Variants in REDIC1 observed in about 807,000 individuals in gnomAD.
REDIC1 encodes HEI10 Interacting Protein 1.
chr12:39,634,379 A>T, the REDIC1 span, among the ~76,000 whole-genome samples: 1 of 152,164 alleles, frequency 6.6e-6, no homozygotes, highest in Non-Finnish European at 1.5e-5. Context: ...GCCTGACCTC[A>T]AACTATACTA....
the REDIC1 span, among the ~76,000 whole-genome samples, chr12:39,833,263 A>T: frequency 6.6e-6 from 1 of 152,104 alleles, no homozygotes; most frequent in African/African-American, 2.4e-5. Flanking sequence ...AAAGCTGAAA[A>T]TATTTCCTAT....
At chr12:39,848,594 C>A in the REDIC1 span, among the ~76,000 whole-genome samples, 1 of 152,078 alleles carries the variant, frequency 6.6e-6, no homozygotes, top group Admixed American at 6.6e-5. Context: ...ACTAATTCAC[C>A]CATTGTGGAA....
chr12:39,770,430 A>G, the REDIC1 span, among the ~76,000 whole-genome samples: 1 of 152,146 alleles, frequency 6.6e-6, no homozygotes, highest in Admixed American at 6.5e-5. Flanking sequence ...TAATAGCCAT[A>G]TTCATTCAAA....
At chr12:39,816,863 A>C in the REDIC1 span, among the ~76,000 whole-genome samples, 1 of 152,184 alleles carries the variant, frequency 6.6e-6, no homozygotes, top group African/African-American at 2.4e-5. Flanking sequence ...GAAAGATTTT[A>C]AGAATTTGAA....
chr12:39,790,123 TGTTC>T, the REDIC1 span, among the ~76,000 whole-genome samples: 2 of 30,510 alleles, frequency 6.6e-5, no homozygotes, highest in Non-Finnish European at 1.6e-4. Context: ...CATTCTTTTG[TGTTC>T]TTTTTTTTTT....
chr12:39,896,373 CAT>C, the REDIC1 span, among the ~76,000 whole-genome samples: 441 of 105,934 alleles, frequency 4.2e-3, 2 homozygotes, highest in African/African-American at 0.016. Flanking sequence ...TATATGTATA[CAT>C]ATATGTATGT....
chr12:39,684,026 A>G, the REDIC1 span: 5 of 498,212 alleles, frequency 1.0e-5, no homozygotes, highest in African/African-American at 1.1e-4. Flanking sequence ...CCTCTCAGAG[A>G]CTCCATGTTT....
At chr12:39,824,392 A>C in the REDIC1 span, among the ~76,000 whole-genome samples, 4 of 152,182 alleles carry the variant, frequency 2.6e-5, no homozygotes, top group Admixed American at 6.5e-5. Flanking sequence ...GGCATGAGCC[A>C]GATTCAATCA....
At chr12:39,750,964 A>G in the REDIC1 span, among the ~76,000 whole-genome samples, 1 of 152,194 alleles carries the variant, frequency 6.6e-6, no homozygotes, top group South Asian at 2.1e-4. Context: ...AAACCCTAGA[A>G]GAAAACCTAG....
chr12:39,775,059 T>A, the REDIC1 span, among the ~76,000 whole-genome samples: 1 of 152,218 alleles, frequency 6.6e-6, no homozygotes, highest in Admixed American at 6.5e-5. Flanking sequence ...AAGTGTATCC[T>A]TAGGAAACCA....
the REDIC1 span, among the ~76,000 whole-genome samples, chr12:39,711,825 ATG>A: frequency 4.8e-5 from 2 of 41,456 alleles, no homozygotes; most frequent in Non-Finnish European, 1.5e-4. Flanking sequence ...GTACACATGC[ATG>A]TGTATATGTG....
the REDIC1 span, chr12:39,757,259 G>T: frequency 6.6e-6 from 1 of 151,784 alleles, no homozygotes; most frequent in Non-Finnish European, 1.5e-5. Flanking sequence ...TTCAAAGGAA[G>T]TCTGTAATTT....
At chr12:39,819,259 T>C in the REDIC1 span, among the ~76,000 whole-genome samples, 312 of 152,282 alleles carry the variant, frequency 2.0e-3, 3 homozygotes, top group South Asian at 0.026. Flanking sequence ...CAAAATAAAT[T>C]CATGGTTTAC....
the REDIC1 span, among the ~76,000 whole-genome samples, chr12:39,877,685 CAT>C: frequency 6.6e-6 from 1 of 152,176 alleles, no homozygotes; most frequent in African/African-American, 2.4e-5. Flanking sequence ...CATTTAAAAA[CAT>C]GTGAATTCCA....
chr12:39,782,346 G>C, the REDIC1 span, among the ~76,000 whole-genome samples: 3 of 152,090 alleles, frequency 2.0e-5, no homozygotes, highest in South Asian at 2.1e-4. Context: ...CATGGGGGCG[G>C]CCGGTCTTTT....
the REDIC1 span, among the ~76,000 whole-genome samples, chr12:39,649,683 T>A: frequency 6.6e-6 from 1 of 151,844 alleles, no homozygotes; most frequent in Non-Finnish European, 1.5e-5. Flanking sequence ...TAAATTATTG[T>A]TGAATAGATT....
the REDIC1 span, among the ~76,000 whole-genome samples, chr12:39,674,538 A>G: frequency 1.3e-5 from 2 of 152,168 alleles, no homozygotes; most frequent in South Asian, 4.1e-4. Flanking sequence ...TTGCTCTGCA[A>G]ACTCCATGAG....
chr12:39,774,323 C>T, the REDIC1 span, among the ~76,000 whole-genome samples: 5 of 152,232 alleles, frequency 3.3e-5, no homozygotes, highest in East Asian at 7.7e-4. Context: ...TTCCGGGCAT[C>T]CCTTCAAAGC....
chr12:39,682,479 TA>T, the REDIC1 span: 22 of 494,618 alleles, frequency 4.4e-5, no homozygotes, highest in Non-Finnish European at 6.4e-5. Flanking sequence ...TATTTAAATA[TA>T]AAAAATAAAA....
Sources: gnomAD v4.1 joint callset for allele counts (sites outside exome capture counted in the v4.1 genomes callset) on GRCh38, gnomAD v4.1.1 for gene constraint, MANE v1.5 for transcripts, NCBI Gene and HGNC (gene_info 2026-07-23, HGNC 2026-07-21) for gene names.